PRELP: variants seen among roughly 807,000 people sequenced by gnomAD.
PRELP encodes prolargin.
Under a neutral mutation model 22.8 loss-of-function variants are expected in PRELP, and 16 were observed. The observed-to-expected ratio is 0.70, with a 90% CI of 0.47 to 1.06. PRELP has a LOEUF of 1.06. Ranked by LOEUF, PRELP falls within the 50% of genes least tolerant of loss-of-function variation. The probability of loss-of-function intolerance (pLI) is 0.00; values close to 1 mark genes in which losing one functional copy is unlikely to be tolerated. For synonymous variants in PRELP, 233 were observed against 211.4 expected (o/e 1.10, Z -0.89); for missense variants, 434 against 485.2 (o/e 0.89, Z 0.99).
intron 2 of PRELP, 70 bp from the exon 3 acceptor site, chr1:203,486,636 C>G: frequency 4.2e-6 from 6 of 1,428,102 alleles, no homozygotes; most frequent in Middle Eastern, 1.8e-4. Context: ...GGGTGTCTTC[C>G]CCCTTCCCCT....
intron 1 of PRELP, among the ~76,000 whole-genome samples, chr1:203,482,373 G>A (rs1661015800): frequency 6.6e-6 from 1 of 151,552 alleles, no homozygotes; most frequent in Admixed American, 6.6e-5. Flanking sequence ...CCTCCTCCTG[G>A]GTTCAAGCGA....
intron 1 of PRELP, among the ~76,000 whole-genome samples, chr1:203,481,650 C>T (rs897050444): frequency 6.6e-6 from 1 of 152,142 alleles, no homozygotes; most frequent in Admixed American, 6.5e-5. Flanking sequence ...GCCTTCCTTC[C>T]CTTCCGCCTT....
rs1660970248 is a variant in PRELP, at chr1:203,479,791, A to C, written c.-16-3378A>C. Among the ~76,000 whole-genome samples the C allele has an allele frequency of 2.6e-5, 4 of 151,030 alleles. No homozygotes were observed. In the South Asian group the frequency reaches 8.4e-4, roughly 32 times the overall value. Reference sequence around the variant, plus strand: ...TTATAAACAAATAAATGAGTAAGTAAGCCTCTGCCACTTGCAGAGATTTTG... The same window carrying C: ...TTATAAACAAATAAATGAGTAAGTACGCCTCTGCCACTTGCAGAGATTTTG... On this transcript the variant is annotated intron_variant, in intron 1 of 2. Coordinates refer to ENST00000343110, the MANE Select transcript of PRELP (RefSeq NM_002725.4).
chr1:203,478,858 G>C (rs1373184145), intron 1 of PRELP, among the ~76,000 whole-genome samples: 2 of 152,138 alleles, frequency 1.3e-5, no homozygotes, highest in African/African-American at 4.8e-5. Flanking sequence ...TGGGGGCCTT[G>C]AAAGGGCCTC....
intron 1 of PRELP, among the ~76,000 whole-genome samples, chr1:203,477,968 G>A (rs908042837): frequency 6.6e-6 from 1 of 152,156 alleles, no homozygotes; most frequent in African/African-American, 2.4e-5. Flanking sequence ...AAGTTGCTCT[G>A]TGTGGAAGAG....
At chr1:203,481,505 C>T (rs978739632) in intron 1 of PRELP, among the ~76,000 whole-genome samples, 6 of 152,146 alleles carry the variant, frequency 3.9e-5, no homozygotes, top group Non-Finnish European at 7.4e-5. Context: ...ATATCCTTAA[C>T]GGGAGATCAA....
Position 203,491,263 on chromosome 1 carries a change from T to C in PRELP, c.*4382T>C, listed in dbSNP as rs1137633. 0.54 allele frequency: 82,027 copies of C among 151,570 alleles called. 22,553 individuals are homozygous for C. The highest frequency in any genetic ancestry group is 0.77 in the East Asian group (3,946 of 5,144). 9.4% of individuals were successfully genotyped at this position (151,570 alleles called of 1,614,324 possible). On this transcript the variant is annotated 3_prime_UTR_variant, in exon 3 of 3. Coordinates refer to ENST00000343110, the MANE Select transcript of PRELP (RefSeq NM_002725.4). This position sits in a 1 kb window ranked among gnomAD's most constrained non-coding sequence, Gnocchi z 4.4. The stretch of plus-strand genomic sequence containing the variant: ...CATTACCTACCCACATCTTATAAAA[T>C]GGCCCCATCCCTATCTCCCTTCGCT...
Position 203,484,060 on chromosome 1 carries a change from C to T in PRELP, c.876C>T (p.Asn292=), listed in dbSNP as rs2233729. The T allele has an allele frequency of 2.8e-4, 449 of 1,614,158 alleles. 2 individuals are homozygous for T. In the African/African-American group the frequency reaches 5.3e-3, roughly 19 times the overall value. ...CCAAGAACTCCTTTAATATCTCCAACCTGCTTGTGCTCCACCTGTCCCACA... is the reference window on the plus strand; with the variant it reads ...CCAAGAACTCCTTTAATATCTCCAATCTGCTTGTGCTCCACCTGTCCCACA... ...GLPKNSFNIS[N]LLVLHLSHNR... is the part of the protein sequence containing the mutation. The change falls in exon 2 of 3, where the codon AAC becomes AAT. Residue 292 remains asparagine, a synonymous_variant. Transcript: ENST00000343110.
chr1:203,484,240 G>A (rs1661059149), intron 2 of PRELP, 83 bp downstream of exon 2: 8 of 1,523,708 alleles, frequency 5.3e-6, no homozygotes, highest in South Asian at 5.2e-5. Context: ...GAGACTCAGG[G>A]TGGGGTGGTA....
At position 203,483,569 on chromosome 1, in the gene PRELP, C is replaced by T. The variant is rs139739246; in HGVS notation, c.385C>T (p.Arg129Ter). The T allele has an allele frequency of 1.2e-5, 19 of 1,614,108 alleles. No homozygotes were observed. Among genetic ancestry groups the T allele is most frequent in the East Asian group, 4.5e-5 (2 of 44,890 alleles). Reference protein sequence around the residue: ...VESFQNATGLRWINLDNNRIR... With the variant: ...VESFQNATGL ...GTCCTTCCAGAATGCCACAGGCCTG[C>T]GATGGATTAACCTGGACAACAACCG... Residue 129 changes from arginine (R) to a stop codon, truncating the protein, a stop_gained, in exon 2 of 3, where the codon CGA becomes TGA. Transcript: ENST00000343110. LOFTEE classifies it high-confidence loss of function. The surrounding 1 kb of genome is among the most constrained non-coding windows in gnomAD (Gnocchi z 4.4).
chr1:203,481,708 G>A (rs753364635), intron 1 of PRELP, among the ~76,000 whole-genome samples: 4 of 152,104 alleles, frequency 2.6e-5, no homozygotes, highest in Admixed American at 6.5e-5. Context: ...GCTCATATAC[G>A]CACACAGAGG....
rs1460660256 is a variant in PRELP, at chr1:203,490,655, T to C, written c.*3774T>C. 1 of 152,228 alleles carries C rather than the reference T, an allele frequency of 6.6e-6. No homozygotes were observed. Among genetic ancestry groups the C allele is most frequent in the Non-Finnish European group, 1.5e-5 (1 of 68,038 alleles). The allele number at this position is 152,228 out of a possible 1,614,324, so 9.4% of individuals were successfully genotyped here. A position where few individuals can be genotyped will look rare whatever the true frequency, so the allele number is the denominator to read the frequency against. ...GCCATGCGGAAGTCCACCGAAGGGT[T>C]AGAACAGGGTGTCCCAGACTCTCTC... is the stretch of plus-strand genomic sequence containing the variant. On this transcript the variant is annotated 3_prime_UTR_variant, in exon 3 of 3. Transcript: ENST00000343110.
intron 1 of PRELP, among the ~76,000 whole-genome samples, chr1:203,479,313 C>T (rs1234029558): frequency 2.0e-5 from 3 of 152,150 alleles, no homozygotes; most frequent in African/African-American, 7.2e-5. Context: ...TCAGGACTTC[C>T]ACCCAACCCT....
chr1:203,480,819 CG>C (rs1558230909), intron 1 of PRELP, among the ~76,000 whole-genome samples: 1 of 152,194 alleles, frequency 6.6e-6, no homozygotes, highest in East Asian at 1.9e-4. Flanking sequence ...GGAATGTAAA[CG>C]GGTCAGAGGA....
chr1:203,482,298 G>A (rs1033500562), intron 1 of PRELP, among the ~76,000 whole-genome samples: 1 of 147,980 alleles, frequency 6.8e-6, no homozygotes, highest in African/African-American at 2.5e-5. Flanking sequence ...TTTTTTTTGA[G>A]AAAGAGTTTT....
At position 203,489,153 on chromosome 1, in the gene PRELP, G is replaced by A. The variant is rs1661148164; in HGVS notation, c.*2272G>A. 1 of 152,628 alleles carries A rather than the reference G, an allele frequency of 6.6e-6. No homozygotes were observed. Among genetic ancestry groups the A allele is most frequent in the Non-Finnish European group, 1.5e-5 (1 of 68,052 alleles). 9.5% of individuals were successfully genotyped at this position (152,628 alleles called of 1,614,324 possible). ...GAAAGCAACCTGGTGCTTCGGCCTG[G>A]ATAAGAGCCCCTTCTGCATCTTATT... On this transcript the variant is annotated 3_prime_UTR_variant, in exon 3 of 3. Transcript: ENST00000343110.
In PRELP at chr1:203,486,832, C is replaced by T. The variant is rs1264236814; in HGVS notation, c.1100C>T (p.Pro367Leu). 1 of 1,614,068 alleles carries T rather than the reference C, an allele frequency of 6.2e-7. No individual in the cohort carries two copies. Among genetic ancestry groups the T allele is most frequent in the Non-Finnish European group, 8.5e-7 (1 of 1,180,036 alleles). ...GGAAACTACTTGAAGCCGCCCATCC[C>T]GCTGGACCTCATGATGTGCTTCCGC... Reference protein sequence around the residue: ...LDGNYLKPPIPLDLMMCFRLL... With the variant: ...LDGNYLKPPILLDLMMCFRLL... The change falls in exon 3 of 3, where the codon CCG becomes CTG. Residue 367 changes from proline to leucine, a missense_variant. Transcript: ENST00000343110.
rs1054565490 is a variant in PRELP, at chr1:203,491,221, C to G, written c.*4340C>G. 1.3e-5 allele frequency: 2 copies of G among 152,206 alleles called. No individual in the cohort carries two copies. Among genetic ancestry groups the G allele is most frequent in the African/African-American group, 4.8e-5 (2 of 41,454 alleles). 9.4% of individuals were successfully genotyped at this position (152,206 alleles called of 1,614,324 possible). A position where few individuals can be genotyped will look rare whatever the true frequency, so the allele number is the denominator to read the frequency against. On this transcript the variant is annotated 3_prime_UTR_variant, in exon 3 of 3. Transcript: ENST00000343110. The surrounding 1 kb of genome is among the most constrained non-coding windows in gnomAD (Gnocchi z 4.4). Reference sequence around the variant, plus strand: ...CCCCTGGCCACCAGAGAACAACCCCCTTTGACTGTAATTTTCCATTACCTA... The same window carrying G: ...CCCCTGGCCACCAGAGAACAACCCCGTTTGACTGTAATTTTCCATTACCTA...
At position 203,483,901 on chromosome 1, in the gene PRELP, G is replaced by T. The variant is rs759183469; in HGVS notation, c.717G>T (p.Arg239Ser). Reference sequence around the variant, plus strand: ...ACATCCTGAGAAAGATGCCGCCCAGGGTCCCCACCGCCATTCACCAGCTCT... The same window carrying T: ...ACATCCTGAGAAAGATGCCGCCCAGTGTCCCCACCGCCATTCACCAGCTCT... ...AHNILRKMPPRVPTAIHQLYL... is the reference protein window; with the variant it reads ...AHNILRKMPPSVPTAIHQLYL... The change falls in exon 2 of 3, where the codon AGG (arginine) becomes AGT (serine). Residue 239 changes from arginine (R) to serine (S), a missense_variant. Physicochemically the swap from Arg to Ser is moderately radical, Grantham distance 110 (BLOSUM62 -1). Coordinates refer to ENST00000343110, the MANE Select transcript of PRELP (RefSeq NM_002725.4). This position sits in a 1 kb window ranked among gnomAD's most constrained non-coding sequence, Gnocchi z 4.4. 2.5e-6 allele frequency: 4 copies of T among 1,614,050 alleles called. No individual in the cohort carries two copies. The highest frequency in any genetic ancestry group is 3.3e-5 in the Admixed American group (2 of 59,994).
Sources: allele counts gnomAD v4.1 joint callset (sites outside exome capture counted in the v4.1 genomes callset), GRCh38; gene constraint gnomAD v4.1.1; non-coding constraint Gnocchi (gnomAD v3.1); transcripts MANE v1.5; gene names NCBI Gene and HGNC (gene_info 2026-07-23, HGNC 2026-07-21).